ICA1: variants seen among roughly 807,000 people sequenced by gnomAD.
ICA1 encodes 69 kDa islet cell autoantigen.
In ICA1, 40 loss-of-function variants were observed where a neutral mutation model predicts 71.0. The ratio of observed to expected loss-of-function variants is 0.56; its 90% CI spans 0.44 to 0.73. ICA1 has a LOEUF of 0.73. Among genes scored for constraint, ICA1 ranks in the 30% least tolerant of loss-of-function variants. The pLI, the probability that ICA1 is intolerant of heterozygous loss-of-function variation, is 0.00. For synonymous variants in ICA1, 207 were observed against 209.5 expected (o/e 0.99, Z 0.10); for missense variants, 578 against 576.5 (o/e 1.00, Z -0.03).
intron 6 of ICA1, among the ~76,000 whole-genome samples, chr7:8,214,824 A>C (rs915991035): frequency 6.6e-6 from 1 of 152,184 alleles, no homozygotes; most frequent in African/African-American, 2.4e-5. Flanking sequence ...TGGCAATCTG[A>C]AGACACTATG....
At chr7:8,195,064 T>C (rs1187773916) in intron 6 of ICA1, among the ~76,000 whole-genome samples, 1 of 152,208 alleles carries the variant, frequency 6.6e-6, no homozygotes, top group East Asian at 1.9e-4. Context: ...TGGCAAAATA[T>C]ATGAATAGAT....
intron 6 of ICA1, among the ~76,000 whole-genome samples, chr7:8,169,531 T>G (rs542613273): frequency 6.6e-6 from 1 of 152,222 alleles, no homozygotes; most frequent in East Asian, 1.9e-4. Flanking sequence ...ATTTGGCATT[T>G]TCGGTCTTTT....
chr7:8,226,319 C>T lies in ICA1; in HGVS notation c.256+2282G>A, dbSNP rs1798587798. ...GTTTATCCTTCCTAAATTTCCTTTG[C>T]ACAATGAGCAGGCTTGCTCTCTAGA... is the stretch of plus-strand genomic sequence containing the variant. On this transcript the variant is annotated intron_variant, in intron 4 of 13. Coordinates refer to ENST00000402384, the MANE Select transcript of ICA1 (RefSeq NM_001136020.3). This position sits in a 1 kb window ranked among gnomAD's most constrained non-coding sequence, Gnocchi z 4.4. 6.6e-6 allele frequency among the ~76,000 whole-genome samples: 1 copy of T among 152,056 alleles called. No individual in the cohort carries two copies. Among genetic ancestry groups the T allele is most frequent in the Non-Finnish European group, 1.5e-5 (1 of 68,034 alleles).
At chr7:8,161,853 G>A (rs769752448) in intron 6 of ICA1, among the ~76,000 whole-genome samples, 3 of 152,166 alleles carry the variant, frequency 2.0e-5, no homozygotes, top group Non-Finnish European at 4.4e-5. Flanking sequence ...AATGCTTATT[G>A]TTTTAAGCCA....
At chr7:8,192,848 G>A (rs1373407057) in intron 6 of ICA1, among the ~76,000 whole-genome samples, 4 of 152,114 alleles carry the variant, frequency 2.6e-5, no homozygotes, top group South Asian at 2.1e-4. Flanking sequence ...ACGCTTAAAT[G>A]ATCCCATATT....
intron 13 of ICA1, among the ~76,000 whole-genome samples, chr7:8,124,306 A>G (rs1788248201): frequency 6.7e-6 from 1 of 149,438 alleles, no homozygotes; most frequent in Non-Finnish European, 1.5e-5. Context: ...TTTTTAGTAG[A>G]GCCGGGGTTT....
At chr7:8,247,598 A>T (rs1806540047) in intron 1 of ICA1, among the ~76,000 whole-genome samples, 3 of 152,246 alleles carry the variant, frequency 2.0e-5, no homozygotes, top group Admixed American at 1.3e-4. Context: ...GGTTTTAAGT[A>T]CAGAGTTTGA....
intron 6 of ICA1, among the ~76,000 whole-genome samples, chr7:8,182,305 T>A (rs981486808): frequency 1.3e-5 from 2 of 152,212 alleles, no homozygotes; most frequent in African/African-American, 4.8e-5. Flanking sequence ...TTTCAATTGC[T>A]TGATTAATGT....
chr7:8,250,601 AT>A (rs1421197638), intron 1 of ICA1, among the ~76,000 whole-genome samples: 2 of 152,202 alleles, frequency 1.3e-5, no homozygotes, highest in African/African-American at 4.8e-5. Context: ...GTGAGCTCTG[AT>A]CCCCTCACTG....
At chr7:8,249,830 AGACT>A (rs750735421) in intron 1 of ICA1, among the ~76,000 whole-genome samples, 35 of 152,242 alleles carry the variant, frequency 2.3e-4, no homozygotes, top group Non-Finnish European at 4.1e-4. Context: ...TCAGTTTATT[AGACT>A]GACTATTTCT....
At chr7:8,218,161 T>C (rs1284530135) in intron 6 of ICA1, 144 bp downstream of exon 6, 3 of 685,064 alleles carry the variant, frequency 4.4e-6, no homozygotes. Context: ...TTAATTGGTA[T>C]TCTGTCACAT....
At chr7:8,242,365 A>G (rs1253726634) in intron 1 of ICA1, among the ~76,000 whole-genome samples, 2 of 152,248 alleles carry the variant, frequency 1.3e-5, no homozygotes, top group African/African-American at 4.8e-5. Flanking sequence ...CTTTGAAACC[A>G]AAGAGAACAA....
rs1281500654 is a variant in ICA1 at position 8,127,960 on chromosome 7, G to C, written c.1243C>G (p.Pro415Ala). The change falls in exon 13 of 14, where the codon CCA becomes GCA. Residue 415 changes from proline to alanine, a missense_variant. By Grantham distance (27) the Pro-to-Ala change is conservative. Coordinates refer to ENST00000402384, the MANE Select transcript of ICA1 (RefSeq NM_001136020.3). ...EPVPTMALGE[P>A]DPKAQTGSGF... ...GAGCCTGTCTGGGCCTTGGGGTCTGGCTCTCCCAGGGCCATAGTGGGCACT... is the reference window on the plus strand; with the variant it reads ...GAGCCTGTCTGGGCCTTGGGGTCTGCCTCTCCCAGGGCCATAGTGGGCACT... 1 of 1,614,206 alleles carries C rather than the reference G, an allele frequency of 6.2e-7. No homozygotes were observed. Among genetic ancestry groups the C allele is most frequent in the African/African-American group, 1.3e-5 (1 of 75,054 alleles).
intron 8 of ICA1, among the ~76,000 whole-genome samples, chr7:8,151,741 C>T (rs1798871528): frequency 6.6e-6 from 1 of 152,148 alleles, no homozygotes; most frequent in African/African-American, 2.4e-5. Context: ...TGGAAGAAGG[C>T]TGCGAGGCAT....
At chr7:8,121,124 G>T (rs1462939737) in intron 13 of ICA1, among the ~76,000 whole-genome samples, 1 of 152,322 alleles carries the variant, frequency 6.6e-6, no homozygotes, top group East Asian at 1.9e-4. Flanking sequence ...TAGAGAGCAG[G>T]CCCTCAGTAA....
At chr7:8,236,118 A>G in intron 1 of ICA1, 113 bp from the exon 2 acceptor site, 1 of 591,708 alleles carries the variant, frequency 1.7e-6, no homozygotes, top group Non-Finnish European at 3.0e-6. Context: ...TTTAGGGTCT[A>G]ACACTGTTAC....
At position 8,118,745 on chromosome 7, in the gene ICA1, A is replaced by G. The variant is rs76449975; in HGVS notation, c.1331-4701T>C. ...CACCCTTTCCTTCAATCCTTCTCCAACACTAAGTGTACCCAAGACCCACCT... is the reference window on the plus strand; with the variant it reads ...CACCCTTTCCTTCAATCCTTCTCCAGCACTAAGTGTACCCAAGACCCACCT... On this transcript the variant is annotated intron_variant, in intron 13 of 13. Transcript: ENST00000402384. 9.1e-3 allele frequency among the ~76,000 whole-genome samples: 1,390 copies of G among 152,278 alleles called. 25 individuals carry two copies. The highest frequency in any genetic ancestry group is 0.031 in the African/African-American group (1,292 of 41,538).
chr7:8,167,335 C>G (rs7808803), intron 6 of ICA1, among the ~76,000 whole-genome samples: 87,700 of 152,042 alleles, frequency 0.58, 27,531 homozygotes, highest in African/African-American at 0.85. Context: ...AACATGGATG[C>G]AGATGGAGGT....
chr7:8,208,348 T>G (rs1792362001), intron 6 of ICA1, among the ~76,000 whole-genome samples: 1 of 152,216 alleles, frequency 6.6e-6, no homozygotes, highest in South Asian at 2.1e-4. Flanking sequence ...ACACTGCTCC[T>G]GTTTGAAATT....
Sources: allele counts gnomAD v4.1 joint callset (sites outside exome capture counted in the v4.1 genomes callset), GRCh38; gene constraint gnomAD v4.1.1; non-coding constraint Gnocchi (gnomAD v3.1); transcripts MANE v1.5; gene names NCBI Gene and HGNC (gene_info 2026-07-23, HGNC 2026-07-21).